The following PHLDB2 variants were observed in gnomAD, a reference collection of about 807,000 sequenced individuals.
The protein encoded by PHLDB2 is pleckstrin homology like domain family B member 2.
A neutral mutation model predicts 123.6 loss-of-function variants in PHLDB2; 71 were observed. That is an observed-to-expected ratio of 0.57 (90% CI 0.47 to 0.70). PHLDB2 has a LOEUF of 0.70. PHLDB2 is among the 30% of genes least tolerant of loss of function. The pLI is 0.00. For missense variants in PHLDB2, 1,446 were observed against 1,519.5 expected (o/e 0.95, Z 0.80); for synonymous variants, 547 against 541.6 (o/e 1.01, Z -0.14).
In PHLDB2 at chr3:111,859,372, CG is replaced by C; in HGVS notation, c.-215del. On this transcript the variant is annotated 5_prime_UTR_variant, in exon 1 of 18. Transcript: ENST00000431670. ...GCCCCAACAGCAAACTGCCTGGGAG[CG>C]GGGCAGGTCACCAACTTCGTTGCTC... 5.1e-6 allele frequency: 5 copies of C among 985,634 alleles called. No individual in the cohort carries two copies. Among genetic ancestry groups the C allele is most frequent in the Non-Finnish European group, 6.0e-6 (5 of 830,096 alleles). 61.1% of individuals were successfully genotyped at this position (985,634 alleles called of 1,614,324 possible). A position where few individuals can be genotyped will look rare whatever the true frequency, so the allele number is the denominator to read the frequency against.
chr3:111,737,927 T>C (rs2107912793), intron 1 of PHLDB2, among the ~76,000 whole-genome samples: 1 of 152,160 alleles, frequency 6.6e-6, no homozygotes, highest in African/African-American at 2.4e-5. Context: ...AGCTGAAAAC[T>C]TGTGGTTAGT....
At chr3:111,742,626 CA>C (rs1409811396) in intron 1 of PHLDB2, among the ~76,000 whole-genome samples, 1 of 152,178 alleles carries the variant, frequency 6.6e-6, no homozygotes, top group East Asian at 1.9e-4. Context: ...CATGTCCCTA[CA>C]AAGGATATGA....
At chr3:111,877,520 C>T (rs114939628) in intron 1 of PHLDB2, among the ~76,000 whole-genome samples, 15,776 of 151,988 alleles carry the variant, frequency 0.1, 1,065 homozygotes, top group Non-Finnish European at 0.15. Context: ...GTAGGTTGCC[C>T]GCTCACTCTG....
chr3:111,779,663 G>A (rs988436382), intron 1 of PHLDB2, among the ~76,000 whole-genome samples: 1 of 152,060 alleles, frequency 6.6e-6, no homozygotes, highest in African/African-American at 2.4e-5. Flanking sequence ...GGCACCCACA[G>A]TGGATTGGGC....
intron 1 of PHLDB2, among the ~76,000 whole-genome samples, chr3:111,830,965 GAAAGAAA>G (rs2062961004): frequency 9.5e-4 from 46 of 48,492 alleles, no homozygotes; most frequent in Middle Eastern, 0.015. Flanking sequence ...GAGAAAGAAA[GAAAGAAA>G]GAAAGAAAGA....
intron 1 of PHLDB2, among the ~76,000 whole-genome samples, chr3:111,836,353 A>T (rs4583615): frequency 6.6e-6 from 1 of 151,996 alleles, no homozygotes; most frequent in Non-Finnish European, 1.5e-5. Context: ...GAAGAAATTC[A>T]TGAATGCTGG....
chr3:111,962,346 G>A, intron 13 of PHLDB2, 34 bp downstream of exon 13: 2 of 1,577,200 alleles, frequency 1.3e-6, no homozygotes, highest in Non-Finnish European at 1.7e-6. Flanking sequence ...TTTCTGGTTT[G>A]GAAAAGAGCC....
rs752725254 is a variant in PHLDB2, at chr3:111,949,080, G to A, written c.2631+5G>A. 1.2e-5 allele frequency: 20 copies of A among 1,613,350 alleles called. No homozygotes were observed. Among genetic ancestry groups the A allele is most frequent in the Admixed American group, 1.7e-5 (1 of 59,968 alleles). ...AGCCAGCCACAGAGTAAAGAGGTGT[G>A]TAGGCATGACGTTTCATTCATTCAC... On this transcript the variant is annotated splice_donor_5th_base_variant and intron_variant, in intron 10 of 17. Coordinates refer to ENST00000431670, the MANE Select transcript of PHLDB2 (RefSeq NM_001134438.2).
At chr3:111,796,433 T>G (rs1010019550) in intron 1 of PHLDB2, among the ~76,000 whole-genome samples, 2 of 152,252 alleles carry the variant, frequency 1.3e-5, no homozygotes, top group African/African-American at 4.8e-5. Context: ...ATCCCTTTCC[T>G]AATTCTGGTA....
At chr3:111,875,716 G>A (rs1278407418) in intron 1 of PHLDB2, among the ~76,000 whole-genome samples, 1 of 151,418 alleles carries the variant, frequency 6.6e-6, no homozygotes, top group Non-Finnish European at 1.5e-5. Context: ...CTAGCTACTG[G>A]GGAGGCTGAG....
chr3:111,823,356 T>C (rs117572925), intron 1 of PHLDB2, among the ~76,000 whole-genome samples: 1,844 of 152,344 alleles, frequency 0.012, 61 homozygotes, highest in East Asian at 0.068. Context: ...TAATACCCCA[T>C]TTCAATGAAT....
chr3:111,894,946 G>GTA (rs2066734844), intron 2 of PHLDB2, among the ~76,000 whole-genome samples: 4 of 151,546 alleles, frequency 2.6e-5, no homozygotes, highest in African/African-American at 7.3e-5. Context: ...GTGTGTGTGT[G>GTA]TGTATGTATG....
At chr3:111,960,495 T>A (rs2071333914) in intron 12 of PHLDB2, among the ~76,000 whole-genome samples, 1 of 152,254 alleles carries the variant, frequency 6.6e-6, no homozygotes, top group Non-Finnish European at 1.5e-5. Context: ...ACTAATGGTG[T>A]GAATACTCTG....
At chr3:111,856,379 T>C (rs1315882088), upstream of PHLDB2, among the ~76,000 whole-genome samples, 1 of 152,214 alleles carries the variant, frequency 6.6e-6, no homozygotes, top group Non-Finnish European at 1.5e-5. Flanking sequence ...TACCAACTTA[T>C]TACCTGAGTG....
intron 5 of PHLDB2, among the ~76,000 whole-genome samples, chr3:111,922,803 C>T (rs1424910887): frequency 7.9e-5 from 12 of 152,178 alleles, no homozygotes; most frequent in Non-Finnish European, 1.5e-4. Flanking sequence ...AACTTTCATC[C>T]CTCTGGCTCA....
chr3:111,935,281 AG>A (rs2069407933), intron 6 of PHLDB2, among the ~76,000 whole-genome samples: 1 of 151,502 alleles, frequency 6.6e-6, no homozygotes, highest in African/African-American at 2.4e-5. Flanking sequence ...TCATATTTTT[AG>A]TAGAGTCGGG....
chr3:111,875,428 G>A (rs2065563249), intron 1 of PHLDB2, among the ~76,000 whole-genome samples: 2 of 152,022 alleles, frequency 1.3e-5, no homozygotes, highest in African/African-American at 4.8e-5. Context: ...GGGATTATAG[G>A]TGTGAGGCAC....
At chr3:111,770,446 T>C (rs4234402) in intron 1 of PHLDB2, among the ~76,000 whole-genome samples, 128,026 of 152,196 alleles carry the variant, frequency 0.84, 54,765 homozygotes, top group East Asian at 1. Context: ...TTAAGTGGGC[T>C]AGCCTCTGAG....
chr3:111,856,132 C>A (rs1459414357), upstream of PHLDB2, among the ~76,000 whole-genome samples: 3 of 152,168 alleles, frequency 2.0e-5, no homozygotes, highest in Non-Finnish European at 2.9e-5. Context: ...ATGATTCATA[C>A]AAATATGAAT....
Sources: gnomAD v4.1 joint callset for allele counts (sites outside exome capture counted in the v4.1 genomes callset) on GRCh38, gnomAD v4.1.1 for gene constraint, MANE v1.5 for transcripts, NCBI Gene and HGNC (gene_info 2026-07-23, HGNC 2026-07-21) for gene names.